ZBED6: variants seen among roughly 807,000 people sequenced by gnomAD.
The protein encoded by ZBED6 is zinc finger BED-type containing 6.
ZBED6 carries 40 observed loss-of-function variants against 58.4 expected under a neutral mutation model. The observed-to-expected ratio is 0.68, with a 90% confidence interval of 0.53 to 0.89. ZBED6 has a LOEUF of 0.89. Ranked by LOEUF, ZBED6 falls within the 40% of genes least tolerant of loss-of-function variation. ZBED6 has a pLI of 0.00. For missense variants in ZBED6, 1,057 were observed against 1,003.9 expected (o/e 1.05, Z -0.71); for synonymous variants, 439 against 350.6 (o/e 1.25, Z -2.82).
chr1:203,811,219 A>G (rs573079622), intron 1 of ZBED6, among the ~76,000 whole-genome samples: 2 of 151,064 alleles, frequency 1.3e-5, no homozygotes, highest in South Asian at 4.2e-4. Context: ...GAGGCAGGCG[A>G]CTCACTTGAA....
At chr1:203,797,455 G>A (rs1668926393) in exon 1 of ZBED6, 1 of 1,371,640 alleles carries the variant, frequency 7.3e-7, no homozygotes, top group African/African-American at 1.5e-5. Flanking sequence ...GAGAGGAACA[G>A]CTGTATTTCT....
intron 8 of ZBED6, among the ~76,000 whole-genome samples, chr1:203,833,365 A>C (rs1418348699): frequency 5.6e-5 from 2 of 35,708 alleles, no homozygotes; most frequent in Admixed American, 2.6e-4. Context: ...ACTCTGTCTC[A>C]AAAAAAAAAA....
chr1:203,807,357 C>T (rs938640193), intron 1 of ZBED6, among the ~76,000 whole-genome samples: 13 of 152,182 alleles, frequency 8.5e-5, no homozygotes, highest in African/African-American at 3.1e-4. Context: ...GTGATCATAG[C>T]TCAGTGCAAC....
exon 12 of ZBED6, chr1:203,847,588 C>G: frequency 6.2e-7 from 1 of 1,613,712 alleles, no homozygotes; most frequent in Non-Finnish European, 8.5e-7. Context: ...GGAGAAGGCA[C>G]TGAGGGTGCA....
intron 1 of ZBED6, among the ~76,000 whole-genome samples, chr1:203,804,265 C>T (rs540665737): frequency 4.6e-5 from 7 of 151,684 alleles, no homozygotes; most frequent in African/African-American, 1.5e-4. Flanking sequence ...CATTCTCCTG[C>T]CTCAGCCTCC....
At chr1:203,806,331 T>C (rs1672333368) in intron 1 of ZBED6, 1 of 228,192 alleles carries the variant, frequency 4.4e-6, no homozygotes, top group East Asian at 1.5e-4. Context: ...AGACGGAGTC[T>C]CGCTCTGTCA....
intron 11 of ZBED6, among the ~76,000 whole-genome samples, 178 bp from the exon 12 acceptor site, chr1:203,847,004 TAA>T (rs201111472): frequency 6.9e-6 from 1 of 144,120 alleles, no homozygotes; most frequent in African/African-American, 2.5e-5. Context: ...GACTCTGTCT[TAA>T]AAAAAAAAAG....
chr1:203,841,304 C>T (rs1686110863), intron 11 of ZBED6, among the ~76,000 whole-genome samples: 1 of 152,036 alleles, frequency 6.6e-6, no homozygotes, highest in Non-Finnish European at 1.5e-5. Flanking sequence ...ACCCTGCGGC[C>T]TTCTGCAGTG....
At position 203,828,119 on chromosome 1, in the gene ZBED6, A is replaced by T. The variant is rs117260867; in HGVS notation, c.*2874-180A>T. Reference sequence around the variant, plus strand: ...CATAAACTACTCTCCTGCTCCATTCAGCTCTCCATCATGCCTAAGTTATGT... The same window carrying T: ...CATAAACTACTCTCCTGCTCCATTCTGCTCTCCATCATGCCTAAGTTATGT... On this transcript the variant is annotated intron_variant, in intron 3 of 16. Transcript: ENST00000550078. Among the ~76,000 whole-genome samples, 16 of 152,302 alleles carry T rather than the reference A, an allele frequency of 1.1e-4. No individual in the cohort carries two copies. In the East Asian group the frequency reaches 2.9e-3, roughly 28 times the overall value.
chr1:203,835,149 T>G (rs1038222727), intron 9 of ZBED6, among the ~76,000 whole-genome samples: 1 of 152,250 alleles, frequency 6.6e-6, no homozygotes, highest in Non-Finnish European at 1.5e-5. Flanking sequence ...GAATCAGTTA[T>G]GCACTTTACG....
intron 15 of ZBED6, 95 bp downstream of exon 15, chr1:203,850,776 C>T (rs752008738): frequency 3.4e-5 from 50 of 1,480,736 alleles, no homozygotes; most frequent in Non-Finnish European, 4.4e-5. Flanking sequence ...GAGTATATCA[C>T]TTCCTGGCAT....
At chr1:203,820,482 G>A (rs960142325) in intron 3 of ZBED6, among the ~76,000 whole-genome samples, 2 of 151,852 alleles carry the variant, frequency 1.3e-5, no homozygotes, top group Non-Finnish European at 2.9e-5. Flanking sequence ...GTGTGTGTGT[G>A]TATATTTTGA....
chr1:203,811,906 C>G (rs1674618692), intron 1 of ZBED6, among the ~76,000 whole-genome samples: 1 of 151,746 alleles, frequency 6.6e-6, no homozygotes, highest in Non-Finnish European at 1.5e-5. Context: ...ACCTCCACCT[C>G]CTGTGTTCAA....
intron 9 of ZBED6, chr1:203,835,745 G>A (rs1236001033): frequency 4.1e-6 from 1 of 244,126 alleles, no homozygotes; most frequent in Non-Finnish European, 9.0e-6. Context: ...GAGTCACTGT[G>A]TTGTCCTTTG....
intron 3 of ZBED6, among the ~76,000 whole-genome samples, 179 bp from the exon 4 acceptor site, chr1:203,828,120 G>C (rs183250667): frequency 1.2e-4 from 19 of 152,278 alleles, no homozygotes; most frequent in Admixed American, 1.2e-3. Context: ...GCTCCATTCA[G>C]CTCTCCATCA....
At chr1:203,851,007 A>C in intron 15 of ZBED6, 50 bp from the exon 16 acceptor site, 7 of 1,594,536 alleles carry the variant, frequency 4.4e-6, no homozygotes, top group Non-Finnish European at 6.0e-6. Flanking sequence ...GAATATGCTC[A>C]AATTAAAAAG....
intron 3 of ZBED6, among the ~76,000 whole-genome samples, chr1:203,827,737 T>G (rs890075114): frequency 6.6e-6 from 1 of 151,996 alleles, no homozygotes; most frequent in Non-Finnish European, 1.5e-5. Flanking sequence ...CCTTAGTGTG[T>G]TGTTATAGGT....
intron 3 of ZBED6, among the ~76,000 whole-genome samples, chr1:203,822,047 G>A (rs541564510): frequency 1.8e-4 from 28 of 152,206 alleles, no homozygotes; most frequent in Admixed American, 6.5e-4. Flanking sequence ...GTGAGCCACC[G>A]TGCCTGGCCC....
exon 17 of ZBED6, chr1:203,852,297 A>G: frequency 1.2e-6 from 2 of 1,613,684 alleles, no homozygotes; most frequent in Non-Finnish European, 1.7e-6. Flanking sequence ...AGAAACTAAT[A>G]TGGGAGATTT....
Sources: gnomAD v4.1 joint callset for allele counts (sites outside exome capture counted in the v4.1 genomes callset) on GRCh38, gnomAD v4.1.1 for gene constraint, MANE v1.5 for transcripts, NCBI Gene and HGNC (gene_info 2026-07-23, HGNC 2026-07-21) for gene names.